Variants in RNF212 observed in about 807,000 individuals in gnomAD.
RNF212 encodes the protein probable E3 SUMO-protein ligase RNF212.
RNF212 carries 33 observed loss-of-function variants against 34.7 expected under a neutral mutation model. The ratio of observed to expected loss-of-function variants is 0.95; its 90% confidence interval spans 0.72 to 1.27. RNF212 has a LOEUF of 1.27. Ranked by LOEUF, RNF212 falls within the 50% of genes most tolerant of loss-of-function variation. The probability of loss-of-function intolerance (pLI) is 0.00; values close to 1 mark genes in which losing one functional copy is unlikely to be tolerated. For synonymous variants in RNF212, 140 were observed against 136.1 expected, an observed-to-expected ratio of 1.03 and a Z score of -0.20; for missense variants, 377 against 362.2, an observed-to-expected ratio of 1.04 and a Z score of -0.33.
At chr4:1,056,425 G>C (rs1717334431) in exon 5 of RNF212, 1 of 744,852 alleles carries the variant, frequency 1.3e-6, no homozygotes, top group South Asian at 6.1e-5. Context: ...ACTGCCCCAA[G>C]GTGAGCAGGT....
At chr4:1,066,237 G>T (rs765398110) in intron 3 of RNF212, among the ~76,000 whole-genome samples, 2 of 152,026 alleles carry the variant, frequency 1.3e-5, no homozygotes, top group Non-Finnish European at 2.9e-5. Flanking sequence ...CTATAGTTTT[G>T]ATTTGCATTT....
intron 3 of RNF212, among the ~76,000 whole-genome samples, chr4:1,095,185 C>T (rs582142): frequency 0.05 from 4,636 of 92,162 alleles, 138 homozygotes; most frequent in African/African-American, 0.14. Context: ...CTCGGGATAG[C>T]GCACCTGGCT....
chr4:1,083,310 G>A (rs1253909356), intron 5 of RNF212, among the ~76,000 whole-genome samples: 1 of 152,208 alleles, frequency 6.6e-6, no homozygotes, highest in Non-Finnish European at 1.5e-5. Flanking sequence ...GAAATGAGCA[G>A]GAATGTTCTC....
intron 4 of RNF212, among the ~76,000 whole-genome samples, chr4:1,088,363 A>T (rs1721668307): frequency 6.6e-6 from 1 of 152,228 alleles, no homozygotes; most frequent in Admixed American, 6.5e-5. Flanking sequence ...GATTTAGGGC[A>T]TCTGGCAGAA....
At chr4:1,075,163 T>C (rs1041953132) in intron 8 of RNF212, among the ~76,000 whole-genome samples, 1 of 152,192 alleles carries the variant, frequency 6.6e-6, no homozygotes, top group Non-Finnish European at 1.5e-5. Flanking sequence ...TCCTGCCACA[T>C]GGGAGGGGCT....
At chr4:1,063,455 A>G (rs1717880485) in intron 3 of RNF212, among the ~76,000 whole-genome samples, 1 of 152,194 alleles carries the variant, frequency 6.6e-6, no homozygotes, top group Non-Finnish European at 1.5e-5. Context: ...TCATGCCTGT[A>G]ATCCCAGCAC....
intron 5 of RNF212, among the ~76,000 whole-genome samples, chr4:1,083,010 CGGGGTCG>C (rs994562250): frequency 5.9e-5 from 9 of 152,092 alleles, no homozygotes; most frequent in African/African-American, 2.2e-4. Flanking sequence ...CCGGGCAAGA[CGGGGTCG>C]GGGGCGCAGC....
At chr4:1,074,100 C>G (rs1718880090) in intron 8 of RNF212, among the ~76,000 whole-genome samples, 1 of 152,172 alleles carries the variant, frequency 6.6e-6, no homozygotes, top group South Asian at 2.1e-4. Flanking sequence ...GGGCCCTGCT[C>G]TGTGCCCACC....
At position 1,113,491 on chromosome 4, in the gene RNF212, GCCGGGCCCACGCGAAGC is replaced by G; in HGVS notation, c.-44_-28del. The G allele has an allele frequency of 6.3e-7, 1 of 1,585,028 alleles. No individual in the cohort carries two copies. Among genetic ancestry groups the G allele is most frequent in the Non-Finnish European group, 8.6e-7 (1 of 1,161,594 alleles). ...CCAGGCGGGCGACCGCAGCGGCGAG[GCCGGGCCCACGCGAAGC>G]CCACGCAAGGTTGGGACCAGCCTCC... On this transcript the variant is annotated 5_prime_UTR_variant, in exon 1 of 10. Transcript: ENST00000433731.
rs17728127 is a variant in RNF212, at chr4:1,072,981, C to G, written c.787G>C (p.Val263Leu). 3.2e-5 allele frequency: 51 copies of G among 1,614,186 alleles called. No individual in the cohort carries two copies. The Admixed American group carries it at 8.2e-4, about 26-fold the overall frequency. ...LPIYAEVQRA[V>L]LFPFQQAEGT... Reference sequence around the variant, plus strand: ...TCAGCCTGCTGGAACGGAAACAAGACGGCCCTTTGTACCTCAGCATATATT... The same window carrying G: ...TCAGCCTGCTGGAACGGAAACAAGAGGGCCCTTTGTACCTCAGCATATATT... The change falls in exon 10 of 10, where the codon GTC becomes CTC. Residue 263 changes from valine (V) to leucine (L), a missense_variant. By Grantham distance (32) the Val-to-Leu change is conservative (BLOSUM62 1). Coordinates refer to ENST00000433731, the MANE Select transcript of RNF212 (RefSeq NM_001131034.4).
intron 3 of RNF212, among the ~76,000 whole-genome samples, chr4:1,061,658 G>A (rs1276792389): frequency 3.3e-5 from 5 of 152,140 alleles, no homozygotes; most frequent in South Asian, 2.1e-4. Context: ...GCGGCCAACC[G>A]CTGAGCTGTA....
In RNF212 at chr4:1,113,386, G is replaced by A. The variant is rs1726131348; in HGVS notation, c.79C>T (p.His27Tyr). The change falls in exon 1 of 10, where the codon CAC becomes TAC. Residue 27 changes from histidine (H) to tyrosine (Y), a missense_variant. His to Tyr is a moderately conservative substitution (Grantham distance 83). Transcript: ENST00000433731. ...CCGAGGCAGGCGTCGCAGTACACGT[G>A]CCCGCAGTTGGTGAGGCTGAAGCAC... ...TSCFSLTNCG[H>Y]VYCDACLGKG... The A allele has an allele frequency of 6.2e-7, 1 of 1,600,952 alleles. No individual in the cohort carries two copies. The highest frequency in any genetic ancestry group is 8.5e-7 in the Non-Finnish European group (1 of 1,175,638).
chr4:1,062,789 T>C (rs1717834651), intron 3 of RNF212, among the ~76,000 whole-genome samples: 1 of 152,130 alleles, frequency 6.6e-6, no homozygotes, highest in Admixed American at 6.5e-5. Context: ...GCCGATGACA[T>C]GATTTGCCAT....
At chr4:1,062,233 A>G (rs1241201615) in intron 3 of RNF212, among the ~76,000 whole-genome samples, 3 of 152,234 alleles carry the variant, frequency 2.0e-5, no homozygotes, top group Non-Finnish European at 4.4e-5. Flanking sequence ...CAATTCCTCA[A>G]CAAAATACCA....
At chr4:1,058,289 C>CTCCTCTG in intron 4 of RNF212, 1 of 713,768 alleles carries the variant, frequency 1.4e-6, no homozygotes, top group Non-Finnish European at 1.7e-6. Flanking sequence ...GGTTAGAACG[C>CTCCTCTG]AGTGAAGAAG....
Position 1,113,535 on chromosome 4 carries a change from C to G in RNF212, c.-71G>C, listed in dbSNP as rs1028172125. 11 of 1,293,892 alleles carry G rather than the reference C, an allele frequency of 8.5e-6. No individual in the cohort carries two copies. Among genetic ancestry groups the G allele is most frequent in the Non-Finnish European group, 1.2e-5 (11 of 926,044 alleles). 80.2% of individuals were successfully genotyped at this position (1,293,892 alleles called of 1,614,324 possible). ...CACGCAAGGTTGGGACCAGCCTCCC[C>G]GCGCAGGGCCCGAAGGCGGGCAGCT... On this transcript the variant is annotated 5_prime_UTR_variant, in exon 1 of 10. Transcript: ENST00000433731.
chr4:1,100,462 C>T (rs1390870225), intron 2 of RNF212: 5 of 136,532 alleles, frequency 3.7e-5, no homozygotes, highest in African/African-American at 1.5e-4. Flanking sequence ...GGCTGGATTG[C>T]AGTGGTGCGA....
At chr4:1,074,599 C>T (rs1718977258) in intron 8 of RNF212, among the ~76,000 whole-genome samples, 1 of 152,146 alleles carries the variant, frequency 6.6e-6, no homozygotes, top group Non-Finnish European at 1.5e-5. Context: ...TGCCAGTCCT[C>T]CACTCCTACT....
chr4:1,062,585 C>T (rs966790132), intron 3 of RNF212, among the ~76,000 whole-genome samples: 2 of 152,182 alleles, frequency 1.3e-5, no homozygotes, highest in Admixed American at 6.5e-5. Context: ...AGATCAGGAA[C>T]AGAACAAAGA....
Sources: allele counts gnomAD v4.1 joint callset (sites outside exome capture counted in the v4.1 genomes callset), GRCh38; gene constraint gnomAD v4.1.1; transcripts MANE v1.5; gene names NCBI Gene and HGNC (gene_info 2026-07-23, HGNC 2026-07-21).